Variants in LHFPL6 observed in about 807,000 individuals in gnomAD.
LHFPL6 encodes the protein LHFPL tetraspan subfamily member 6 protein.
In LHFPL6, 9 loss-of-function variants were observed where a neutral mutation model predicts 20.6. The observed-to-expected ratio is 0.44, with a 90% CI of 0.26 to 0.76. The LOEUF (loss-of-function observed/expected upper bound fraction) is 0.76. LHFPL6 is among the 30% of genes least tolerant of loss of function. The pLI, the probability that LHFPL6 is intolerant of heterozygous loss-of-function variation, is 0.20. For missense variants in LHFPL6, 218 were observed against 253.5 expected, an observed-to-expected ratio of 0.86 and a Z score of 0.95; for synonymous variants, 105 against 98.7, an observed-to-expected ratio of 1.06 and a Z score of -0.38.
chr13:39,562,459 T>C lies in LHFPL6; in HGVS notation c.385+38373A>G, dbSNP rs867501543. On this transcript the variant is annotated intron_variant, in intron 2 of 3. Coordinates refer to ENST00000379589, the MANE Select transcript of LHFPL6 (RefSeq NM_005780.3). Reference sequence around the variant, plus strand: ...ATATACATATATACACATATATACATATATACACATATACACATATACATA... The same window carrying C: ...ATATACATATATACACATATATACACATATACACATATACACATATACATA... Among the ~76,000 whole-genome samples the C allele has an allele frequency of 2.2e-3, 291 of 130,166 alleles. 2 individuals carry two copies. The highest frequency in any genetic ancestry group is 7.1e-3 in the African/African-American group (271 of 38,342). The allele number at this position is 130,166 out of a possible 152,430, so 85.4% of individuals were successfully genotyped here. A position where few individuals can be genotyped will look rare whatever the true frequency, so the allele number is the denominator to read the frequency against.
At chr13:39,547,406 C>T (rs781773345) in intron 2 of LHFPL6, among the ~76,000 whole-genome samples, 1 of 152,060 alleles carries the variant, frequency 6.6e-6, no homozygotes, top group Non-Finnish European at 1.5e-5. Context: ...ATTTGCTGAA[C>T]CTTTTAATCC....
At chr13:39,381,042 A>C (rs1446357283) in intron 2 of LHFPL6, among the ~76,000 whole-genome samples, 4 of 152,132 alleles carry the variant, frequency 2.6e-5, no homozygotes, top group Non-Finnish European at 4.4e-5. Context: ...TCCACACTAA[A>C]TGTAATGTGC....
At chr13:39,602,513 G>A (rs1337167154) in intron 1 of LHFPL6, among the ~76,000 whole-genome samples, 1 of 152,180 alleles carries the variant, frequency 6.6e-6, no homozygotes, top group African/African-American at 2.4e-5. Flanking sequence ...GGTGGCCTGC[G>A]GGCAGGGGGC....
At chr13:39,466,875 T>A (rs1316840111) in intron 2 of LHFPL6, among the ~76,000 whole-genome samples, 1 of 152,236 alleles carries the variant, frequency 6.6e-6, no homozygotes, top group Non-Finnish European at 1.5e-5. Flanking sequence ...TTCAGGTAAG[T>A]ATATGTCAAA....
chr13:39,548,666 T>C (rs79505034), intron 2 of LHFPL6, among the ~76,000 whole-genome samples: 1 of 152,170 alleles, frequency 6.6e-6, no homozygotes, highest in Non-Finnish European at 1.5e-5. Context: ...AGAAAAGAGA[T>C]AGAAAAAGTT....
chr13:39,595,735 A>G (rs1357192206), intron 2 of LHFPL6, among the ~76,000 whole-genome samples: 1 of 152,168 alleles, frequency 6.6e-6, no homozygotes, highest in Non-Finnish European at 1.5e-5. Context: ...CCTAAAAAGT[A>G]TGACCACTGA....
chr13:39,368,975 T>A (rs375840350), intron 3 of LHFPL6, among the ~76,000 whole-genome samples: 7 of 152,178 alleles, frequency 4.6e-5, no homozygotes, highest in East Asian at 3.9e-4. Context: ...AATATAATGG[T>A]TGAGAACACA....
At chr13:39,427,778 G>A (rs1021633547) in intron 2 of LHFPL6, among the ~76,000 whole-genome samples, 1 of 152,218 alleles carries the variant, frequency 6.6e-6, no homozygotes, top group Non-Finnish European at 1.5e-5. Flanking sequence ...CAAATCTCGT[G>A]TTGAATTGTA....
At chr13:39,420,382 T>C (rs994672486) in intron 2 of LHFPL6, among the ~76,000 whole-genome samples, 1 of 152,134 alleles carries the variant, frequency 6.6e-6, no homozygotes, top group African/African-American at 2.4e-5. Context: ...GCCAGCATCA[T>C]GGGGGAGAAA....
In LHFPL6 at chr13:39,345,512, C is replaced by CAAAAAAAAAAAAAAAAAAAAAAAAAA. The variant is rs71077225; in HGVS notation, c.485-1484_485-1459dup. Among the ~76,000 whole-genome samples, 4 of 43,456 alleles carry CAAAAAAAAAAAAAAAAAAAAAAAAAA rather than the reference C, an allele frequency of 9.2e-5. 1 individual carries two copies. The highest frequency in any genetic ancestry group is 2.5e-4 in the Admixed American group (1 of 4,008). 28.5% of individuals were successfully genotyped at this position (43,456 alleles called of 152,430 possible). On this transcript the variant is annotated intron_variant, in intron 3 of 3. Transcript: ENST00000379589. ...TGGGTCAGGGAGCGAGACTCCATCT[C>CAAAAAAAAAAAAAAAAAAAAAAAAAA]AAAAAAAAAAAAAAAAAAAAAAAAA... is the stretch of plus-strand genomic sequence containing the variant.
rs936194321 is a variant in LHFPL6, at chr13:39,412,654, G to T, written c.386-34128C>A. On this transcript the variant is annotated intron_variant, in intron 2 of 3. Transcript: ENST00000379589. Reference sequence around the variant, plus strand: ...TTATACAAATTGTAGGCCAGGTGCAGTGGCTCACGCCTGTAATCCCAGCAC... The same window carrying T: ...TTATACAAATTGTAGGCCAGGTGCATTGGCTCACGCCTGTAATCCCAGCAC... Among the ~76,000 whole-genome samples, 5 of 152,346 alleles carry T rather than the reference G, an allele frequency of 3.3e-5. No individual in the cohort carries two copies. The South Asian group carries it at 1.0e-3, about 32-fold the overall frequency.
rs558187971 is a variant in LHFPL6, at chr13:39,360,767, A to C, written c.485-16713T>G. On this transcript the variant is annotated intron_variant, in intron 3 of 3. Transcript: ENST00000379589. ...AGATTGTAAGGGGACAAAAAAAAAA[A>C]AAAACCTTTCTGAATTACAAATGCA... Among the ~76,000 whole-genome samples the C allele has an allele frequency of 1.8e-4, 17 of 95,032 alleles. 4 individuals are homozygous for C. The highest frequency in any genetic ancestry group is 5.2e-4 in the African/African-American group (17 of 32,488). The allele number at this position is 95,032 out of a possible 152,430, so 62.3% of individuals were successfully genotyped here.
intron 2 of LHFPL6, among the ~76,000 whole-genome samples, chr13:39,569,566 C>T (rs1416395987): frequency 6.6e-6 from 1 of 152,160 alleles, no homozygotes; most frequent in Non-Finnish European, 1.5e-5. Context: ...AATACTATAT[C>T]ACCAAGAATA....
intron 2 of LHFPL6, among the ~76,000 whole-genome samples, chr13:39,503,237 A>G (rs958557711): frequency 1.3e-5 from 2 of 152,174 alleles, no homozygotes; most frequent in African/African-American, 4.8e-5. Context: ...CAAAGGCACT[A>G]GCCTCCCAGC....
At chr13:39,350,144 AG>A (rs1229715896) in intron 3 of LHFPL6, among the ~76,000 whole-genome samples, 1 of 152,260 alleles carries the variant, frequency 6.6e-6, no homozygotes, top group Non-Finnish European at 1.5e-5. Context: ...CTTACTTTCC[AG>A]TTCATATCAC....
intron 2 of LHFPL6, among the ~76,000 whole-genome samples, chr13:39,384,569 T>C (rs186866421): frequency 7.2e-5 from 11 of 152,306 alleles, no homozygotes; most frequent in Admixed American, 7.2e-4. Flanking sequence ...AGTTTAGAAA[T>C]CCCTGAATTA....
intron 2 of LHFPL6, among the ~76,000 whole-genome samples, chr13:39,453,122 C>A (rs73175130): frequency 6.6e-6 from 1 of 152,122 alleles, no homozygotes; most frequent in Non-Finnish European, 1.5e-5. Context: ...CACAGAAGGC[C>A]GTTCTTTTTT....
rs60460761 is a variant in LHFPL6, at chr13:39,434,218, C to T, written c.386-55692G>A. On this transcript the variant is annotated intron_variant, in intron 2 of 3. Transcript: ENST00000379589. Reference sequence around the variant, plus strand: ...AGGAAGACCTACTACATGTTGGGTACTATATCAGGCACTTTCCACATAGTC... The same window carrying T: ...AGGAAGACCTACTACATGTTGGGTATTATATCAGGCACTTTCCACATAGTC... Among the ~76,000 whole-genome samples the T allele has an allele frequency of 5.1e-3, 778 of 152,286 alleles. 5 individuals are homozygous for T. Among genetic ancestry groups the T allele is most frequent in the African/African-American group, 0.017 (716 of 41,554 alleles).
intron 2 of LHFPL6, among the ~76,000 whole-genome samples, chr13:39,398,532 G>A (rs773477087): frequency 6.6e-6 from 1 of 152,208 alleles, no homozygotes; most frequent in African/African-American, 2.4e-5. Context: ...AACTTGAGGT[G>A]ACTCTGCAGA....
Sources: gnomAD v4.1 joint callset for allele counts (sites outside exome capture counted in the v4.1 genomes callset) on GRCh38, gnomAD v4.1.1 for gene constraint, MANE v1.5 for transcripts, NCBI Gene and HGNC (gene_info 2026-07-23, HGNC 2026-07-21) for gene names.